Variants in FAM98B observed in about 807,000 individuals in gnomAD.
The protein encoded by FAM98B is tRNA-splicing ligase complex subunit FAM98B.
FAM98B carries 32 observed loss-of-function variants against 43.9 expected under a neutral mutation model. The observed-to-expected ratio is 0.73, with a 90% CI of 0.55 to 0.98. FAM98B has a LOEUF of 0.98. Ranked by LOEUF, FAM98B falls within the 50% of genes least tolerant of loss-of-function variation. The pLI is 0.00. For missense variants in FAM98B, 514 were observed against 522.9 expected, an observed-to-expected ratio of 0.98 and a Z score of 0.17; for synonymous variants, 190 against 174.0, an observed-to-expected ratio of 1.09 and a Z score of -0.72.
In FAM98B at chr15:38,466,213, T is replaced by C. The variant is rs1011199308; in HGVS notation, c.352+810T>C. On this transcript the variant is annotated intron_variant, in intron 3 of 7. Coordinates refer to ENST00000397609, the MANE Select transcript of FAM98B (RefSeq NM_173611.4). ...GTGTGTGTGTGTGTGTGTGTGTGTG[T>C]GTGTGTTTAGTGGTGACAAAAGTAT... 2.2e-5 allele frequency among the ~76,000 whole-genome samples: 3 copies of C among 138,544 alleles called. No individual in the cohort carries two copies. In the Admixed American group the frequency reaches 2.2e-4, roughly 10 times the overall value. The allele number at this position is 138,544 out of a possible 152,430, so 90.9% of individuals were successfully genotyped here.
chr15:38,470,950 A>ATT (rs578034777), intron 4 of FAM98B, among the ~76,000 whole-genome samples: 1 of 141,466 alleles, frequency 7.1e-6, no homozygotes, highest in Admixed American at 7.1e-5. Context: ...GTACTTTGGC[A>ATT]TTTTTTTTTT....
chr15:38,457,957 C>T (rs1281674202), intron 1 of FAM98B, among the ~76,000 whole-genome samples: 14 of 138,196 alleles, frequency 1.0e-4, no homozygotes, highest in African/African-American at 3.5e-4. Flanking sequence ...AACAATCTTA[C>T]TTTTTTTTTT....
At chr15:38,454,391 C>T (rs1326515847) in intron 1 of FAM98B, among the ~76,000 whole-genome samples, 159 bp downstream of exon 1, 1 of 152,202 alleles carries the variant, frequency 6.6e-6, no homozygotes, top group Non-Finnish European at 1.5e-5. Flanking sequence ...AAGCGGGAGG[C>T]GGGAGAGAAA....
chr15:38,455,254 G>A (rs908572224), intron 1 of FAM98B, among the ~76,000 whole-genome samples: 3 of 152,206 alleles, frequency 2.0e-5, no homozygotes, highest in African/African-American at 7.2e-5. Flanking sequence ...AGTAAGCATA[G>A]GACCAGATAG....
At chr15:38,462,152 G>T (rs968188244) in intron 1 of FAM98B, among the ~76,000 whole-genome samples, 5 of 152,154 alleles carry the variant, frequency 3.3e-5, no homozygotes, top group African/African-American at 9.7e-5. Context: ...GAGCATGTAT[G>T]TGTTTAAAGC....
At chr15:38,481,523 A>AT in intron 7 of FAM98B, 64 bp downstream of exon 7, 1 of 1,613,954 alleles carries the variant, frequency 6.2e-7, no homozygotes, top group Non-Finnish European at 8.5e-7. Flanking sequence ...GTTTTTACAG[A>AT]TTTTAGTCTA....
At chr15:38,465,177 G>C (rs1027870653) in intron 2 of FAM98B, 92 bp from the exon 3 acceptor site, 3 of 1,272,688 alleles carry the variant, frequency 2.4e-6, no homozygotes, top group Non-Finnish European at 3.2e-6. Context: ...ATTTAGAATT[G>C]AATGTAAAAT....
chr15:38,484,442 G>A lies in FAM98B; in HGVS notation c.1085G>A (p.Gly362Glu). The A allele has an allele frequency of 1.1e-6, 1 of 870,852 alleles. No individual in the cohort carries two copies. The highest frequency in any genetic ancestry group is 1.4e-6 in the Non-Finnish European group (1 of 720,866). The allele number at this position is 870,852 out of a possible 1,614,324, so 53.9% of individuals were successfully genotyped here. ...GGGGRGGWGG[G>E]GGGWGGGGGG... is the part of the protein sequence containing the mutation. ...GGTGGGAGAGGTGGCTGGGGGGGTG[G>A]AGGAGGAGGTTGGGGAGGTGGTGGG... Residue 362 changes from glycine (G) to glutamate (E), a missense_variant, in exon 8 of 8, where the codon GGA (glycine) becomes GAA (glutamate). By Grantham distance (98) the Gly-to-Glu change is moderately conservative. Coordinates refer to ENST00000397609, the MANE Select transcript of FAM98B (RefSeq NM_173611.4).
chr15:38,466,788 C>A (rs1346241600), intron 3 of FAM98B, among the ~76,000 whole-genome samples: 2 of 151,994 alleles, frequency 1.3e-5, no homozygotes, highest in Non-Finnish European at 2.9e-5. Flanking sequence ...TTAGAAAATA[C>A]ATAAAACATA....
chr15:38,463,903 A>G, intron 1 of FAM98B, 129 bp from the exon 2 acceptor site: 2 of 845,190 alleles, frequency 2.4e-6, no homozygotes, highest in Non-Finnish European at 1.7e-6. Context: ...GTAGATTAAT[A>G]CATTTAATGG....
At chr15:38,473,885 A>C (rs1323847574) in intron 5 of FAM98B, among the ~76,000 whole-genome samples, 1 of 152,226 alleles carries the variant, frequency 6.6e-6, no homozygotes, top group Non-Finnish European at 1.5e-5. Context: ...TTGTTGGTCC[A>C]GACTGCTTAG....
chr15:38,478,835 A>G (rs531716274), intron 6 of FAM98B, among the ~76,000 whole-genome samples: 1 of 152,310 alleles, frequency 6.6e-6, no homozygotes, highest in South Asian at 2.1e-4. Flanking sequence ...TGTGAATGTA[A>G]TTTTATAGCT....
At position 38,457,316 on chromosome 15, in the gene FAM98B, C is replaced by T. The variant is rs547059440; in HGVS notation, c.71+3084C>T. ...ACAGGTGTGAGCCACCACGCCCCAA[C>T]AGATTAATTTCTTCAGTTGGTATTT... On this transcript the variant is annotated intron_variant, in intron 1 of 7. Coordinates refer to ENST00000397609, the MANE Select transcript of FAM98B (RefSeq NM_173611.4). Among the ~76,000 whole-genome samples, 14 of 152,266 alleles carry T rather than the reference C, an allele frequency of 9.2e-5. No homozygotes were observed. The East Asian group carries it at 2.7e-3, about 29-fold the overall frequency.
intron 6 of FAM98B, among the ~76,000 whole-genome samples, chr15:38,475,965 A>G (rs910328297): frequency 6.6e-6 from 1 of 151,992 alleles, no homozygotes; most frequent in Non-Finnish European, 1.5e-5. Context: ...CACTTACTGC[A>G]GTTTTGCTGT....
chr15:38,483,268 AGTG>A (rs1890308746), intron 7 of FAM98B: 1 of 152,244 alleles, frequency 6.6e-6, no homozygotes, highest in Non-Finnish European at 1.5e-5. Context: ...AGAACTTCTT[AGTG>A]AAATGGGTAC....
chr15:38,457,602 G>T (rs1889867981), intron 1 of FAM98B, among the ~76,000 whole-genome samples: 2 of 152,158 alleles, frequency 1.3e-5, no homozygotes, highest in Admixed American at 1.3e-4. Context: ...GGTGCAAGGG[G>T]GGCTGAGTGA....
Position 38,480,848 on chromosome 15 carries a change from CTATT to C in FAM98B, c.730-440_730-437del, listed in dbSNP as rs531263566. On this transcript the variant is annotated intron_variant, in intron 6 of 7. Transcript: ENST00000397609. ...GATTTTTTTTTCATTCTCTCAAAAA[CTATT>C]TATATAGGATTATAAGTTAATTTGG... Among the ~76,000 whole-genome samples, 133 of 151,938 alleles carry C rather than the reference CTATT, an allele frequency of 8.8e-4. 2 individuals are homozygous for C. The highest frequency in any genetic ancestry group is 3.0e-3 in the African/African-American group (126 of 41,460).
intron 3 of FAM98B, among the ~76,000 whole-genome samples, chr15:38,466,711 T>C (rs562713827): frequency 2.0e-5 from 3 of 152,180 alleles, no homozygotes; most frequent in Non-Finnish European, 4.4e-5. Flanking sequence ...CATAGAACTG[T>C]ATACTTAAAA....
rs1236626150 is a variant in FAM98B at position 38,485,870 on chromosome 15, GT to G, written c.*1213del. 1.3e-5 allele frequency: 2 copies of G among 151,876 alleles called. No individual in the cohort carries two copies. The highest frequency in any genetic ancestry group is 1.3e-4 in the Admixed American group (2 of 15,240). The allele number at this position is 151,876 out of a possible 1,614,324, so 9.4% of individuals were successfully genotyped here. On this transcript the variant is annotated 3_prime_UTR_variant, in exon 8 of 8. Transcript: ENST00000397609. ...ATGTATTTTTCTCTTAGTGTAGAAA[GT>G]TAAGAGAAAAAGAGCTGGTACCATA...
Sources: gnomAD v4.1 joint callset for allele counts (sites outside exome capture counted in the v4.1 genomes callset) on GRCh38, gnomAD v4.1.1 for gene constraint, MANE v1.5 for transcripts, NCBI Gene and HGNC (gene_info 2026-07-23, HGNC 2026-07-21) for gene names.